The following HID1 variants were observed in gnomAD, a reference collection of about 807,000 sequenced individuals.
HID1 encodes protein HID1.
Under a neutral mutation model 89.7 loss-of-function variants are expected in HID1, and 42 were observed. The ratio of observed to expected loss-of-function variants is 0.47; its 90% CI spans 0.37 to 0.61. HID1 has a LOEUF of 0.61. HID1 is among the 20% of genes least tolerant of loss of function. HID1 has a pLI of 0.00. For synonymous variants in HID1, 442 were observed against 433.8 expected, an observed-to-expected ratio of 1.02 and a Z score of -0.24; for missense variants, 854 against 1,039.3, an observed-to-expected ratio of 0.82 and a Z score of 2.45.
intron 2 of HID1, 92 bp from the exon 3 acceptor site, chr17:74,964,002 A>T: frequency 7.2e-7 from 1 of 1,385,384 alleles, no homozygotes. Flanking sequence ...GCTGCAGAGG[A>T]GGGTCAGGGG....
intron 1 of HID1, among the ~76,000 whole-genome samples, chr17:74,969,351 A>C (rs2039610579): frequency 6.6e-6 from 1 of 151,866 alleles, no homozygotes; most frequent in African/African-American, 2.4e-5. Flanking sequence ...ACGCCCGGCT[A>C]ATTTTTTTGT....
chr17:74,960,052 T>G lies in HID1; in HGVS notation c.925A>C (p.Thr309Pro), dbSNP rs755651210. The change falls in exon 7 of 19, where the codon ACT becomes CCT. Residue 309 changes from threonine (T) to proline (P), a missense_variant. Thr to Pro is a conservative substitution (Grantham distance 38, BLOSUM62 -1). Coordinates refer to ENST00000425042, the MANE Select transcript of HID1 (RefSeq NM_030630.3). Reference protein sequence around the residue: ...SASPTVDGTTTGTAMDDADPP... With the variant: ...SASPTVDGTTPGTAMDDADPP... ...TCGGCATCATCCATGGCGGTGCCAG[T>G]GGTGGTGCCGTCCACAGTGGGGCTG... The G allele has an allele frequency of 6.2e-7, 1 of 1,613,556 alleles. No homozygotes were observed. Among genetic ancestry groups the G allele is most frequent in the African/African-American group, 1.3e-5 (1 of 74,950 alleles).
At position 74,959,444 on chromosome 17, in the gene HID1, G is replaced by A. The variant is rs558398984; in HGVS notation, c.1009-393C>T. On this transcript the variant is annotated intron_variant, in intron 8 of 18. Transcript: ENST00000425042. The surrounding 1 kb of genome is among the most constrained non-coding windows in gnomAD (Gnocchi z 4.6). ...CTCCCCCATCACCCCATCACAACTC[G>A]AGGAGCATTCCACTGTTCTGTCATT... 9.2e-5 allele frequency among the ~76,000 whole-genome samples: 14 copies of A among 152,074 alleles called. No individual in the cohort carries two copies. Among genetic ancestry groups the A allele is most frequent in the African/African-American group, 3.1e-4 (13 of 41,452 alleles).
intron 16 of HID1, among the ~76,000 whole-genome samples, chr17:74,952,626 C>T (rs571203720): frequency 8.5e-5 from 13 of 152,266 alleles, no homozygotes; most frequent in African/African-American, 2.9e-4. Context: ...CAGGCAGGGA[C>T]GGTAATTATC....
At chr17:74,952,085 C>T (rs1303989081) in intron 17 of HID1, 22 bp from the exon 18 acceptor site, 3 of 1,553,956 alleles carry the variant, frequency 1.9e-6, no homozygotes, top group Non-Finnish European at 2.6e-6. Context: ...GGGGTATCTC[C>T]AGCACACTCA....
chr17:74,954,224 G>A lies in HID1; in HGVS notation c.1778C>T (p.Ser593Phe), dbSNP rs780510478. Residue 593 changes from serine (S) to phenylalanine (F), a missense_variant, in exon 14 of 19, where the codon TCC (serine) becomes TTC (phenylalanine). Transcript: ENST00000425042. ...RTPEPLSRTG[S>F]QEGTSMEGSR... ...GCCCTCCATGGAGGTGCCCTCCTGG[G>A]AGCCGGTGCGAGACAAGGGCTCAGG... The A allele has an allele frequency of 1.3e-5, 21 of 1,595,572 alleles. No homozygotes were observed. The highest frequency in any genetic ancestry group is 2.7e-5 in the African/African-American group (2 of 74,828).
intron 1 of HID1, among the ~76,000 whole-genome samples, chr17:74,969,418 C>G (rs368495824): frequency 6.6e-5 from 10 of 152,128 alleles, no homozygotes; most frequent in African/African-American, 2.4e-4. Context: ...GATCTCCTGA[C>G]CTCGTGATCC....
At chr17:74,969,563 C>T (rs1481076527) in intron 1 of HID1, among the ~76,000 whole-genome samples, 2 of 151,960 alleles carry the variant, frequency 1.3e-5, no homozygotes, top group Non-Finnish European at 2.9e-5. Context: ...AACTGAGCTA[C>T]CCTGGTAAAA....
intron 15 of HID1, among the ~76,000 whole-genome samples, 196 bp downstream of exon 15, chr17:74,953,349 G>A (rs1376454390): frequency 6.6e-6 from 1 of 152,184 alleles, no homozygotes; most frequent in East Asian, 1.9e-4. Context: ...ACCGGAACCA[G>A]TAAACAAGGG....
intron 6 of HID1, among the ~76,000 whole-genome samples, chr17:74,961,273 A>T (rs534208663): frequency 2.4e-4 from 35 of 148,534 alleles, no homozygotes; most frequent in Middle Eastern, 3.5e-3. Flanking sequence ...GTATTTATTT[A>T]TTTTTTTTTT....
chr17:74,964,478 C>G lies in HID1; in HGVS notation c.216+5G>C. 6.2e-7 allele frequency: 1 copy of G among 1,608,238 alleles called. No homozygotes were observed. The highest frequency in any genetic ancestry group is 8.5e-7 in the Non-Finnish European group (1 of 1,177,668). ...GAGTAGCAGGAGGGACTGGGCAGCC[C>G]TCACCTTGTAGCACAGGGTGGCCAA... On this transcript the variant is annotated splice_donor_5th_base_variant and intron_variant, in intron 2 of 18. Coordinates refer to ENST00000425042, the MANE Select transcript of HID1 (RefSeq NM_030630.3).
chr17:74,956,000 C>T (rs374814477), intron 12 of HID1, 44 bp from the exon 13 acceptor site: 6 of 1,592,428 alleles, frequency 3.8e-6, no homozygotes, highest in African/African-American at 1.3e-5. Context: ...CTCAGCCAAG[C>T]CATCCCTGCA....
In HID1 at chr17:74,951,102, C is replaced by A. The variant is rs2039290893; in HGVS notation, c.*468G>T. 1 of 157,974 alleles carries A rather than the reference C, an allele frequency of 6.3e-6. No homozygotes were observed. The highest frequency in any genetic ancestry group is 1.4e-5 in the Non-Finnish European group (1 of 72,246). The allele number at this position is 157,974 out of a possible 1,614,324, so 9.8% of individuals were successfully genotyped here. A position where few individuals can be genotyped will look rare whatever the true frequency, so the allele number is the denominator to read the frequency against. On this transcript the variant is annotated 3_prime_UTR_variant, in exon 19 of 19. Transcript: ENST00000425042. ...GGAGCAGCCTGGCCACACCTTTTTC[C>A]CCTGGAGCCTGGAACAGCTGGCTTT... is the stretch of plus-strand genomic sequence containing the variant.
chr17:74,953,690 C>T (rs776339888), intron 14 of HID1, 39 bp from the exon 15 acceptor site: 4 of 1,508,942 alleles, frequency 2.7e-6, no homozygotes, highest in Non-Finnish European at 1.8e-6. Flanking sequence ...CTCCCTGCCA[C>T]AGTGACCCTT....
At chr17:74,952,462 T>G (rs1598614281) in intron 16 of HID1, 102 bp from the exon 17 acceptor site, 1 of 772,576 alleles carries the variant, frequency 1.3e-6, no homozygotes. Flanking sequence ...AGGCAGAAAG[T>G]ACCCCTGCTC....
At position 74,971,697 on chromosome 17, in the gene HID1, G is replaced by A. The variant is rs75238000; in HGVS notation, c.66+894C>T. On this transcript the variant is annotated intron_variant, in intron 1 of 18. Coordinates refer to ENST00000425042, the MANE Select transcript of HID1 (RefSeq NM_030630.3). The stretch of plus-strand genomic sequence containing the variant: ...CAGGGCCGAGCATCTCTGTGGCCAC[G>A]GTGGCCTGATTCAAAAAGCCAGGAG... Among the ~76,000 whole-genome samples the A allele has an allele frequency of 7.2e-3, 1,104 of 152,300 alleles. 19 individuals are homozygous for A. Among genetic ancestry groups the A allele is most frequent in the East Asian group, 0.066 (342 of 5,170 alleles).
chr17:74,972,036 T>G lies in HID1; in HGVS notation c.66+555A>C, dbSNP rs1230976532. Among the ~76,000 whole-genome samples the G allele has an allele frequency of 6.6e-6, 1 of 152,164 alleles. No individual in the cohort carries two copies. The highest frequency in any genetic ancestry group is 6.5e-5 in the Admixed American group (1 of 15,284). On this transcript the variant is annotated intron_variant, in intron 1 of 18. Transcript: ENST00000425042. This position sits in a 1 kb window ranked among gnomAD's most constrained non-coding sequence, Gnocchi z 6.4. Reference sequence around the variant, plus strand: ...GGCTGCCTCGCTGCCCGCCACTCTTTGCGTGTTCCCAGGAAGACCTGGGCC... The same window carrying G: ...GGCTGCCTCGCTGCCCGCCACTCTTGGCGTGTTCCCAGGAAGACCTGGGCC...
Position 74,972,669 on chromosome 17 carries a change from C to T in HID1, c.-13G>A, listed in dbSNP as rs1269458044. ...CGGTCGACCCCATGTCTCTGGAGCC[C>T]GCTCCGGCCCGGCCCCCGCCCAGAC... On this transcript the variant is annotated 5_prime_UTR_variant, in exon 1 of 19. Transcript: ENST00000425042. This position sits in a 1 kb window ranked among gnomAD's most constrained non-coding sequence, Gnocchi z 6.4. The T allele has an allele frequency of 2.0e-6, 3 of 1,536,758 alleles. No individual in the cohort carries two copies. The East Asian group carries it at 7.7e-5, about 39-fold the overall frequency.
At chr17:74,964,268 G>C (rs936460952) in intron 2 of HID1, 1 of 610,132 alleles carries the variant, frequency 1.6e-6, no homozygotes, top group African/African-American at 1.9e-5. Context: ...ATCTGTGGAA[G>C]GTGCTCAGTC....
Sources: allele counts gnomAD v4.1 joint callset (sites outside exome capture counted in the v4.1 genomes callset), GRCh38; gene constraint gnomAD v4.1.1; non-coding constraint Gnocchi (gnomAD v3.1); transcripts MANE v1.5; gene names NCBI Gene and HGNC (gene_info 2026-07-23, HGNC 2026-07-21).